The following MSRA variants were observed in gnomAD, a reference collection of about 807,000 sequenced individuals.
MSRA encodes methionine sulfoxide reductase A.
Under a neutral mutation model 31.3 loss-of-function variants are expected in MSRA, and 54 were observed. That is an observed-to-expected ratio of 1.73 (90% CI 1.39 to 2.17). The LOEUF is 2.17. Ranked by LOEUF, MSRA falls within the 30% of genes most tolerant of loss-of-function variation. MSRA has a pLI of 0.00. For missense variants in MSRA, 507 were observed against 300.9 expected (o/e 1.69, Z -5.07); for synonymous variants, 169 against 116.5 (o/e 1.45, Z -2.90).
rs528098237 is a variant in MSRA, at chr8:10,083,998, T to C, written c.142+29340T>C. ...ACCTGAAATCCATTTACAAATAAAA[T>C]TGAGGTCTTCGTATCAATATTATGT... is the stretch of plus-strand genomic sequence containing the variant. On this transcript the variant is annotated intron_variant, in intron 1 of 5. Transcript: ENST00000317173. 5.3e-5 allele frequency among the ~76,000 whole-genome samples: 8 copies of C among 152,346 alleles called. No individual in the cohort carries two copies. In the South Asian group the frequency reaches 1.7e-3, roughly 32 times the overall value.
chr8:10,202,007 G>C (rs117225173), intron 1 of MSRA, among the ~76,000 whole-genome samples: 2,535 of 152,346 alleles, frequency 0.017, 31 homozygotes, highest in Non-Finnish European at 0.027. Flanking sequence ...CCCTGTTGGA[G>C]ACTCTTGTGT....
chr8:10,060,585 G>GTTT (rs2128912018), intron 1 of MSRA, among the ~76,000 whole-genome samples: 1 of 149,608 alleles, frequency 6.7e-6, no homozygotes, highest in South Asian at 2.1e-4. Flanking sequence ...CTGTCTCGCT[G>GTTT]TTTTTAGTCT....
intron 1 of MSRA, among the ~76,000 whole-genome samples, chr8:10,089,673 GA>G (rs1405236121): frequency 2.6e-5 from 4 of 152,312 alleles, no homozygotes; most frequent in African/African-American, 9.6e-5. Context: ...GGCTGTATAA[GA>G]AATATGGCAT....
chr8:10,183,245 G>C (rs1806703674), intron 1 of MSRA, among the ~76,000 whole-genome samples: 1 of 152,182 alleles, frequency 6.6e-6, no homozygotes, highest in African/African-American at 2.4e-5. Flanking sequence ...GTCACACTAG[G>C]ATGTAGGAGG....
intron 1 of MSRA, among the ~76,000 whole-genome samples, chr8:10,057,533 A>C (rs1249945913): frequency 1.3e-5 from 2 of 152,128 alleles, no homozygotes; most frequent in Non-Finnish European, 2.9e-5. Flanking sequence ...GTAAAAGTCC[A>C]ATATGGTTTG....
intron 3 of MSRA, among the ~76,000 whole-genome samples, chr8:10,262,861 T>G (rs1469104986): frequency 6.6e-6 from 1 of 152,240 alleles, no homozygotes; most frequent in African/African-American, 2.4e-5. Flanking sequence ...CTTGTTCACT[T>G]GCTTCTATTG....
At chr8:10,114,541 G>A (rs1800540668) in intron 1 of MSRA, among the ~76,000 whole-genome samples, 1 of 152,124 alleles carries the variant, frequency 6.6e-6, no homozygotes, top group Admixed American at 6.6e-5. Flanking sequence ...ATGCTAATGG[G>A]TGTGAAGTGG....
chr8:10,162,260 G>T (rs1804727980), intron 1 of MSRA, among the ~76,000 whole-genome samples: 1 of 152,110 alleles, frequency 6.6e-6, no homozygotes, highest in Admixed American at 6.5e-5. Context: ...TTGGGAGTCT[G>T]GTGAGTGGTC....
intron 5 of MSRA, among the ~76,000 whole-genome samples, chr8:10,334,666 G>A (rs975160690): frequency 1.3e-5 from 2 of 152,180 alleles, no homozygotes; most frequent in Non-Finnish European, 2.9e-5. Context: ...GAGCTTTCAT[G>A]TTTGCCACGA....
chr8:10,405,038 T>A (rs1324754009), intron 5 of MSRA, among the ~76,000 whole-genome samples: 1 of 152,138 alleles, frequency 6.6e-6, no homozygotes, highest in Non-Finnish European at 1.5e-5. Context: ...CTCATCTGTT[T>A]CCCGGAGTGT....
chr8:10,277,376 G>A (rs1158965074), intron 3 of MSRA, among the ~76,000 whole-genome samples: 1 of 152,134 alleles, frequency 6.6e-6, no homozygotes, highest in Non-Finnish European at 1.5e-5. Flanking sequence ...TCACCAAAGC[G>A]CTGTGTTTTC....
intron 1 of MSRA, among the ~76,000 whole-genome samples, chr8:10,093,208 G>A (rs1798944922): frequency 6.6e-6 from 1 of 152,158 alleles, no homozygotes; most frequent in East Asian, 1.9e-4. Flanking sequence ...TGATGAGATA[G>A]GATTTACTTA....
chr8:10,168,293 G>T (rs551338031), intron 1 of MSRA, among the ~76,000 whole-genome samples: 3 of 152,066 alleles, frequency 2.0e-5, no homozygotes, highest in African/African-American at 7.2e-5. Flanking sequence ...TTTTATATGT[G>T]GAATTCCCAG....
intron 2 of MSRA, among the ~76,000 whole-genome samples, chr8:10,212,829 C>T (rs115694273): frequency 0.01 from 1,538 of 152,224 alleles, 29 homozygotes; most frequent in African/African-American, 0.036. Flanking sequence ...TTTTGGAACA[C>T]TGAAACATTT....
chr8:10,231,299 A>G (rs1457554271), intron 2 of MSRA, among the ~76,000 whole-genome samples: 1 of 152,100 alleles, frequency 6.6e-6, no homozygotes, highest in Non-Finnish European at 1.5e-5. Flanking sequence ...GAGACTGGAA[A>G]CGGTTTCATT....
intron 1 of MSRA, among the ~76,000 whole-genome samples, chr8:10,166,496 T>A (rs923034413): frequency 6.6e-6 from 1 of 152,140 alleles, no homozygotes; most frequent in Admixed American, 6.5e-5. Flanking sequence ...TGCATGCATA[T>A]GTGTGTATGT....
chr8:10,077,222 G>A (rs1798036418), intron 1 of MSRA, among the ~76,000 whole-genome samples: 1 of 152,158 alleles, frequency 6.6e-6, no homozygotes, highest in African/African-American at 2.4e-5. Context: ...ACAATGATGG[G>A]CAAAGAGAGG....
At chr8:10,269,894 G>A (rs987165991) in intron 3 of MSRA, among the ~76,000 whole-genome samples, 8 of 152,042 alleles carry the variant, frequency 5.3e-5, no homozygotes, top group African/African-American at 1.9e-4. Flanking sequence ...CTCGTGATCT[G>A]CCCACCTCAG....
intron 1 of MSRA, among the ~76,000 whole-genome samples, chr8:10,069,337 A>G (rs1284176586): frequency 6.6e-6 from 1 of 152,242 alleles, no homozygotes; most frequent in African/African-American, 2.4e-5. Context: ...GCATTGTTCC[A>G]GAACTTAGTG....
Sources: allele counts gnomAD v4.1 joint callset (sites outside exome capture counted in the v4.1 genomes callset), GRCh38; gene constraint gnomAD v4.1.1; transcripts MANE v1.5; gene names NCBI Gene and HGNC (gene_info 2026-07-23, HGNC 2026-07-21).